Variants in SORCS1 observed in about 807,000 individuals in gnomAD.
SORCS1 encodes the protein VPS10 domain-containing receptor SorCS1.
A neutral mutation model predicts 146.1 loss-of-function variants in SORCS1; 60 were observed. The ratio of observed to expected loss-of-function variants is 0.41; its 90% CI spans 0.33 to 0.51. The LOEUF (loss-of-function observed/expected upper bound fraction) is 0.51. Ranked by LOEUF, SORCS1 falls within the 20% of genes least tolerant of loss-of-function variation. SORCS1 has a pLI of 0.21. For missense variants in SORCS1, 1,352 were observed against 1,487.6 expected, an observed-to-expected ratio of 0.91 and a Z score of 1.50; for synonymous variants, 637 against 584.0, an observed-to-expected ratio of 1.09 and a Z score of -1.31.
chr10:106,918,852 T>TC (rs1564809655), intron 2 of SORCS1, among the ~76,000 whole-genome samples: 7 of 152,090 alleles, frequency 4.6e-5, no homozygotes, highest in African/African-American at 1.7e-4. Flanking sequence ...TATTTTTTTT[T>TC]CCTTGGGACA....
At chr10:107,044,594 T>C (rs1183323689) in intron 1 of SORCS1, among the ~76,000 whole-genome samples, 1 of 138,738 alleles carries the variant, frequency 7.2e-6, no homozygotes, top group Non-Finnish European at 1.5e-5. Flanking sequence ...GAGGCCAAGG[T>C]AGGTGGATCA....
intron 5 of SORCS1, among the ~76,000 whole-genome samples, chr10:106,759,186 T>C (rs1270555948): frequency 2.0e-5 from 3 of 152,186 alleles, no homozygotes; most frequent in African/African-American, 7.2e-5. Context: ...GGGAAGCTAT[T>C]ATGTACTTCG....
In SORCS1 at chr10:106,576,755, T is replaced by C. The variant is rs959558673; in HGVS notation, c.*665A>G. On this transcript the variant is annotated 3_prime_UTR_variant, in exon 26 of 26. Transcript: ENST00000263054. ...CTAACTTAGAAGGGAAATGACAGTA[T>C]GGAAAGTGGAACAGAGAAACAGCTC... 15 of 155,436 alleles carry C rather than the reference T, an allele frequency of 9.7e-5. No homozygotes were observed. The highest frequency in any genetic ancestry group is 2.6e-4 in the African/African-American group (11 of 41,580). 9.6% of individuals were successfully genotyped at this position (155,436 alleles called of 1,614,324 possible). A position where few individuals can be genotyped will look rare whatever the true frequency, so the allele number is the denominator to read the frequency against.
At chr10:106,757,422 T>C (rs546476583) in intron 5 of SORCS1, among the ~76,000 whole-genome samples, 1 of 152,332 alleles carries the variant, frequency 6.6e-6, no homozygotes, top group South Asian at 2.1e-4. Context: ...TGAATTATCC[T>C]AGATAGCCCC....
At chr10:106,951,908 A>G (rs2138919104) in intron 2 of SORCS1, among the ~76,000 whole-genome samples, 1 of 152,280 alleles carries the variant, frequency 6.6e-6, no homozygotes, top group South Asian at 2.1e-4. Context: ...TTGGATAAAA[A>G]TAGGAATTGG....
At chr10:106,987,576 G>A (rs943981084) in intron 1 of SORCS1, among the ~76,000 whole-genome samples, 4 of 152,128 alleles carry the variant, frequency 2.6e-5, no homozygotes, top group African/African-American at 9.7e-5. Flanking sequence ...TTACGGACCG[G>A]GCAGTGCCCT....
At chr10:107,177,134 A>AT in the SORCS1 span, among the ~76,000 whole-genome samples, 395 of 152,180 alleles carry the variant, frequency 2.6e-3, no homozygotes, top group African/African-American at 8.8e-3. Flanking sequence ...TCGACTTTGT[A>AT]TATTAATATA....
In SORCS1 at chr10:107,128,954, T is replaced by C. The variant is rs531706707; in HGVS notation, c.558+35015A>G. The stretch of plus-strand genomic sequence containing the variant: ...TTAATAAGAGGTCTGCCTAAAAACA[T>C]ATAATGCACATCTGAAGTCCTTTTA... On this transcript the variant is annotated intron_variant, in intron 1 of 25. Transcript: ENST00000263054. 7.9e-5 allele frequency among the ~76,000 whole-genome samples: 12 copies of C among 152,306 alleles called. No homozygotes were observed. The East Asian group carries it at 1.5e-3, about 20-fold the overall frequency.
chr10:106,989,852 A>T (rs1956694070), intron 1 of SORCS1, among the ~76,000 whole-genome samples: 1 of 151,372 alleles, frequency 6.6e-6, no homozygotes, highest in Admixed American at 6.6e-5. Context: ...ACGCCTGGCT[A>T]ATTTTTTGTA....
intron 24 of SORCS1, among the ~76,000 whole-genome samples, chr10:106,593,418 G>A (rs780953627): frequency 5.2e-4 from 79 of 152,070 alleles, no homozygotes; most frequent in African/African-American, 1.9e-3. Flanking sequence ...TAAGAAAATC[G>A]AGCCCTGAGT....
At chr10:106,850,700 T>C (rs1022653299) in intron 2 of SORCS1, among the ~76,000 whole-genome samples, 19 of 152,296 alleles carry the variant, frequency 1.2e-4, no homozygotes, top group Admixed American at 1.1e-3. Context: ...AATGTGTATG[T>C]ATCTCAAGCT....
intron 5 of SORCS1, among the ~76,000 whole-genome samples, chr10:106,740,918 T>G (rs1857314522): frequency 6.6e-6 from 1 of 152,250 alleles, no homozygotes; most frequent in African/African-American, 2.4e-5. Context: ...CTAGGCATTC[T>G]AATTTCTCTA....
chr10:106,988,572 G>A (rs1177796250), intron 1 of SORCS1, among the ~76,000 whole-genome samples: 2 of 151,990 alleles, frequency 1.3e-5, no homozygotes, highest in South Asian at 2.1e-4. Context: ...CTGCAAGAAG[G>A]TCACCTTTTA....
At chr10:107,126,775 G>T (rs1966737168) in intron 1 of SORCS1, among the ~76,000 whole-genome samples, 1 of 152,090 alleles carries the variant, frequency 6.6e-6, no homozygotes, top group Middle Eastern at 3.4e-3. Flanking sequence ...CAGTTGAGAG[G>T]GAGGATCTGT....
chr10:107,152,748 C>T (rs1393038521), intron 1 of SORCS1, among the ~76,000 whole-genome samples: 1 of 152,220 alleles, frequency 6.6e-6, no homozygotes. Context: ...AATTAAACCT[C>T]TTTCCTTTAA....
chr10:106,872,897 A>C (rs1008467256), intron 2 of SORCS1, among the ~76,000 whole-genome samples: 1 of 152,198 alleles, frequency 6.6e-6, no homozygotes, highest in East Asian at 1.9e-4. Flanking sequence ...TTCCTTGGCC[A>C]GGTGTGGTGG....
chr10:106,836,782 G>T (rs921574517), intron 2 of SORCS1, among the ~76,000 whole-genome samples: 1 of 152,064 alleles, frequency 6.6e-6, no homozygotes, highest in African/African-American at 2.4e-5. Flanking sequence ...GGATCTATGA[G>T]GAAAAGAAGG....
At chr10:106,617,528 A>G (rs1847455488) in intron 21 of SORCS1, among the ~76,000 whole-genome samples, 1 of 152,174 alleles carries the variant, frequency 6.6e-6, no homozygotes. Context: ...CCAGTTTTCA[A>G]TCAATGACTC....
intron 3 of SORCS1, among the ~76,000 whole-genome samples, chr10:106,813,249 C>A (rs1163004869): frequency 1.3e-5 from 2 of 150,180 alleles, no homozygotes; most frequent in African/African-American, 4.9e-5. Context: ...TCTCCTGCCT[C>A]AGCCTCCTGA....
Sources: allele counts gnomAD v4.1 joint callset (sites outside exome capture counted in the v4.1 genomes callset), GRCh38; gene constraint gnomAD v4.1.1; transcripts MANE v1.5; gene names NCBI Gene and HGNC (gene_info 2026-07-23, HGNC 2026-07-21).